The following SEMA4F variants were observed in gnomAD, a reference collection of about 807,000 sequenced individuals.
The protein encoded by SEMA4F is semaphorin-4F.
In SEMA4F, 51 loss-of-function variants were observed where a neutral mutation model predicts 78.4. The observed-to-expected ratio is 0.65, with a 90% CI of 0.52 to 0.82. The LOEUF (loss-of-function observed/expected upper bound fraction) is 0.82, where lower values mean the gene tolerates loss of function less well. SEMA4F is among the 40% of genes least tolerant of loss of function. SEMA4F has a pLI of 0.00. For missense variants in SEMA4F, 938 were observed against 1,014.4 expected, an observed-to-expected ratio of 0.92 and a Z score of 1.02; for synonymous variants, 418 against 408.7, an observed-to-expected ratio of 1.02 and a Z score of -0.27.
chr2:74,691,510 G>A, the SEMA4F span, among the ~76,000 whole-genome samples: 1 of 152,156 alleles, frequency 6.6e-6, no homozygotes, highest in African/African-American at 2.4e-5. Context: ...AATATCAGAT[G>A]CAAAGGACTG....
In SEMA4F at chr2:74,659,840, C is replaced by G. The variant is rs1228682252; in HGVS notation, c.456+1889C>G. On this transcript the variant is annotated intron_variant, in intron 4 of 13. Coordinates refer to ENST00000357877, the MANE Select transcript of SEMA4F (RefSeq NM_004263.5). ...AAACAATTATCTGAGAGCTTTGTTC[C>G]AGACATAGCAACTTGATCAAAGTTG... Among the ~76,000 whole-genome samples, 3 of 152,146 alleles carry G rather than the reference C, an allele frequency of 2.0e-5. No individual in the cohort carries two copies. In the East Asian group the frequency reaches 5.8e-4, roughly 29 times the overall value.
Position 74,673,691 on chromosome 2 carries a change from G to GCAGCCGTGGCCTTGAGCC in SEMA4F, c.692_709dup (p.Val231_Ala236dup), listed in dbSNP as rs1685109423. 1 of 1,613,798 alleles carries GCAGCCGTGGCCTTGAGCC rather than the reference G, an allele frequency of 6.2e-7. No homozygotes were observed. The highest frequency in any genetic ancestry group is 1.3e-5 in the African/African-American group (1 of 74,912). ...GGTATTCCCAGCCCCAGCCTTTGTC[G>GCAGCCGTGGCCTTGAGCC]CAGCCGTGGCCTTGAGCCCAGCCGA... On this transcript the variant is annotated inframe_insertion, in exon 7 of 14. Coordinates refer to ENST00000357877, the MANE Select transcript of SEMA4F (RefSeq NM_004263.5).
At chr2:74,708,334 G>A in the SEMA4F span, among the ~76,000 whole-genome samples, 3 of 152,150 alleles carry the variant, frequency 2.0e-5, no homozygotes, top group East Asian at 3.8e-4. Flanking sequence ...TTAAAAAGGA[G>A]CCTAGGCTTT....
intron 5 of SEMA4F, among the ~76,000 whole-genome samples, chr2:74,665,236 T>C (rs1420439262): frequency 6.7e-6 from 1 of 150,050 alleles, no homozygotes; most frequent in Non-Finnish European, 1.5e-5. Context: ...TTCTTTTTTT[T>C]TTTTTTTTTT....
chr2:74,686,454 G>C (rs754998675), downstream of SEMA4F, among the ~76,000 whole-genome samples: 1 of 152,216 alleles, frequency 6.6e-6, no homozygotes, highest in Non-Finnish European at 1.5e-5. Flanking sequence ...TTCCACCATT[G>C]TGGAGGACAG....
chr2:74,669,618 A>AACAAC (rs1684876610), intron 5 of SEMA4F, among the ~76,000 whole-genome samples: 1 of 150,282 alleles, frequency 6.7e-6, no homozygotes, highest in African/African-American at 2.5e-5. Context: ...ACAACAACAA[A>AACAAC]AACAAAAGGT....
rs1685186791 is a variant in SEMA4F, at chr2:74,674,939, G to C, written c.1053G>C (p.Arg351=). The C allele has an allele frequency of 9.9e-6, 16 of 1,614,002 alleles. No individual in the cohort carries two copies. The highest frequency in any genetic ancestry group is 1.4e-5 in the Non-Finnish European group (16 of 1,180,006). The stretch of plus-strand genomic sequence containing the variant: ...GTGCCTTCCGACCACAAGACATTCG[G>C]ACAGTGCTGAATGGTCCCTTCAGAG... ...AVCAFRPQDI[R]TVLNGPFREL... is the part of the protein sequence containing the mutation. The change falls in exon 9 of 14, where the codon CGG becomes CGC. Residue 351 remains arginine (R), a synonymous_variant. Coordinates refer to ENST00000357877, the MANE Select transcript of SEMA4F (RefSeq NM_004263.5).
In SEMA4F at chr2:74,675,284, C is replaced by T; in HGVS notation, c.1272C>T (p.His424=). The change falls in exon 10 of 14, where the codon CAC becomes CAT. Residue 424 remains histidine, a synonymous_variant. Coordinates refer to ENST00000357877, the MANE Select transcript of SEMA4F (RefSeq NM_004263.5). ...GGCCAGTGTTTCCAGCTGATGGCCACCCCCTGCTGGTCACTACAGATACAG... is the reference window on the plus strand; with the variant it reads ...GGCCAGTGTTTCCAGCTGATGGCCATCCCCTGCTGGTCACTACAGATACAG... ...MDRPVFPADG[H]PLLVTTDTAY... 6.2e-7 allele frequency: 1 copy of T among 1,614,214 alleles called. No individual in the cohort carries two copies. Among genetic ancestry groups the T allele is most frequent in the South Asian group, 1.1e-5 (1 of 91,084 alleles).
chr2:74,657,720 C>T, intron 3 of SEMA4F, 96 bp downstream of exon 3: 1 of 1,408,886 alleles, frequency 7.1e-7, no homozygotes, highest in Non-Finnish European at 1.0e-6. Context: ...CCAATGGGCC[C>T]AGGCAGAGAC....
At chr2:74,704,184 T>C in the SEMA4F span, among the ~76,000 whole-genome samples, 2 of 151,850 alleles carry the variant, frequency 1.3e-5, no homozygotes, top group Non-Finnish European at 2.9e-5. Flanking sequence ...GTTTGAATAA[T>C]TGGGGCCTTA....
At chr2:74,702,764 C>T in the SEMA4F span, among the ~76,000 whole-genome samples, 2 of 152,126 alleles carry the variant, frequency 1.3e-5, no homozygotes, top group Non-Finnish European at 2.9e-5. Flanking sequence ...GTCACTGATG[C>T]ATAGTAAAAG....
Position 74,674,494 on chromosome 2 carries a change from C to G in SEMA4F, c.823-4C>G. ...GAGAACCTCCCATGTGTTTGTCACC[C>G]CAGGGGGACCTCGGGGGCCGGAAGA... is the stretch of plus-strand genomic sequence containing the variant. On this transcript the variant is annotated splice_region_variant and splice_polypyrimidine_tract_variant and intron_variant, in intron 7 of 13. Transcript: ENST00000357877. The G allele has an allele frequency of 6.2e-7, 1 of 1,610,750 alleles. No homozygotes were observed. Among genetic ancestry groups the G allele is most frequent in the Non-Finnish European group, 8.5e-7 (1 of 1,178,230 alleles).
At chr2:74,663,102 T>G (rs1329695946) in intron 5 of SEMA4F, among the ~76,000 whole-genome samples, 1 of 152,352 alleles carries the variant, frequency 6.6e-6, no homozygotes, top group East Asian at 1.9e-4. Context: ...AGTGTTTTTA[T>G]TCCTGTTAAT....
At position 74,682,724 on chromosome 2, in the gene SEMA4F, G is replaced by A. The variant is rs1349135564; in HGVS notation, c.*2515G>A. The stretch of plus-strand genomic sequence containing the variant: ...GTTCCTCTTTGGGGGAGGGAGGAAG[G>A]TGGGGAGATGTCAAAGGGGACTGGG... On this transcript the variant is annotated 3_prime_UTR_variant, in exon 14 of 14. Coordinates refer to ENST00000357877, the MANE Select transcript of SEMA4F (RefSeq NM_004263.5). 6.6e-6 allele frequency: 1 copy of A among 152,308 alleles called. No homozygotes were observed. Among genetic ancestry groups the A allele is most frequent in the African/African-American group, 2.4e-5 (1 of 41,428 alleles). The allele number at this position is 152,308 out of a possible 1,614,324, so 9.4% of individuals were successfully genotyped here. A position where few individuals can be genotyped will look rare whatever the true frequency, so the allele number is the denominator to read the frequency against.
intron 1 of SEMA4F, chr2:74,655,463 G>A: frequency 5.1e-6 from 1 of 195,284 alleles, no homozygotes; most frequent in Non-Finnish European, 1.2e-5. Context: ...TGGGCAGACA[G>A]AACCAGTGAA....
chr2:74,708,090 G>C, the SEMA4F span, among the ~76,000 whole-genome samples: 14 of 151,756 alleles, frequency 9.2e-5, no homozygotes, highest in African/African-American at 3.4e-4. Context: ...CCTCAGAAGT[G>C]GGCAATAAAT....
intron 5 of SEMA4F, among the ~76,000 whole-genome samples, chr2:74,670,022 G>T (rs1486796934): frequency 6.6e-6 from 1 of 151,982 alleles, no homozygotes; most frequent in African/African-American, 2.4e-5. Flanking sequence ...ATTTTTCCTG[G>T]TGTGTTTTCT....
At chr2:74,674,831 A>T in intron 8 of SEMA4F, 57 bp from the exon 9 acceptor site, 1 of 1,587,910 alleles carries the variant, frequency 6.3e-7, no homozygotes, top group Non-Finnish European at 8.6e-7. Flanking sequence ...TTGACAAGGG[A>T]TGAGTTGCTA....
downstream of SEMA4F, among the ~76,000 whole-genome samples, chr2:74,686,299 C>A (rs369795704): frequency 9.3e-4 from 141 of 152,206 alleles, no homozygotes; most frequent in African/African-American, 3.2e-3. Flanking sequence ...CGGGGTTTCA[C>A]CGTGTTAGTC....
Sources: gnomAD v4.1 joint callset for allele counts (sites outside exome capture counted in the v4.1 genomes callset) on GRCh38, gnomAD v4.1.1 for gene constraint, MANE v1.5 for transcripts, NCBI Gene and HGNC (gene_info 2026-07-23, HGNC 2026-07-21) for gene names.